The following STRN variants were observed in gnomAD, a reference collection of about 807,000 sequenced individuals.
STRN encodes the protein protein phosphatase 2 regulatory subunit B'''alpha.
A neutral mutation model predicts 96.3 loss-of-function variants in STRN; 53 were observed. That is an observed-to-expected ratio of 0.55 (90% CI 0.44 to 0.69). The LOEUF (loss-of-function observed/expected upper bound fraction) is 0.69. Ranked by LOEUF, STRN falls within the 30% of genes least tolerant of loss-of-function variation. The pLI is 0.00. For synonymous variants in STRN, 428 were observed against 355.9 expected, an observed-to-expected ratio of 1.20 and a Z score of -2.28; for missense variants, 987 against 963.9, an observed-to-expected ratio of 1.02 and a Z score of -0.32.
At chr2:36,902,817 A>G in intron 4 of STRN, 66 bp from the exon 5 acceptor site, 1 of 1,339,378 alleles carries the variant, frequency 7.5e-7, no homozygotes, top group Non-Finnish European at 1.0e-6. Context: ...TAATATGTAA[A>G]TAAAAGTATT....
chr2:36,952,764 T>G (rs1664791113), intron 1 of STRN, among the ~76,000 whole-genome samples: 2 of 152,208 alleles, frequency 1.3e-5, no homozygotes, highest in Admixed American at 1.3e-4. Flanking sequence ...CATGGATACC[T>G]TCTCCCCTGG....
At chr2:36,896,032 T>C (rs973024960) in intron 6 of STRN, among the ~76,000 whole-genome samples, 3 of 152,208 alleles carry the variant, frequency 2.0e-5, no homozygotes, top group Non-Finnish European at 4.4e-5. Context: ...TCTTTTACCC[T>C]AGAGGCTTAA....
At chr2:36,895,454 A>G (rs1166467203) in intron 6 of STRN, among the ~76,000 whole-genome samples, 4 of 152,194 alleles carry the variant, frequency 2.6e-5, no homozygotes, top group Non-Finnish European at 5.9e-5. Context: ...AGCACCTCCC[A>G]ATCTACCATC....
At chr2:36,931,399 G>A (rs1472543440) in intron 1 of STRN, among the ~76,000 whole-genome samples, 2 of 152,132 alleles carry the variant, frequency 1.3e-5, no homozygotes, top group Non-Finnish European at 2.9e-5. Flanking sequence ...TACCCACAAT[G>A]TACTTCCAAT....
At chr2:36,898,214 G>C (rs1310551286) in intron 6 of STRN, among the ~76,000 whole-genome samples, 1 of 152,146 alleles carries the variant, frequency 6.6e-6, no homozygotes, top group Non-Finnish European at 1.5e-5. Flanking sequence ...AAAGTATTTT[G>C]ATGGAAAAAT....
chr2:36,855,136 A>G, intron 15 of STRN, 76 bp downstream of exon 15: 1 of 1,449,014 alleles, frequency 6.9e-7, no homozygotes, highest in Non-Finnish European at 9.4e-7. Context: ...AATATTTTTC[A>G]CAGCTGACTC....
intron 1 of STRN, among the ~76,000 whole-genome samples, chr2:36,929,980 G>A (rs1294389574): frequency 6.6e-6 from 1 of 152,178 alleles, no homozygotes; most frequent in African/African-American, 2.4e-5. Context: ...TGGTTACAGT[G>A]TACAATGAAG....
intron 5 of STRN, among the ~76,000 whole-genome samples, chr2:36,902,070 C>T (rs1669697251): frequency 1.3e-5 from 2 of 151,966 alleles, no homozygotes. Context: ...GATACATAAT[C>T]CAAAATGGAA....
intron 2 of STRN, among the ~76,000 whole-genome samples, chr2:36,924,355 CAAAAAAAA>C (rs143310395): frequency 9.7e-6 from 1 of 103,312 alleles, no homozygotes; most frequent in East Asian, 2.6e-4. Context: ...GACTCCGTTT[CAAAAAAAA>C]AAAAAAAAAA....
intron 2 of STRN, among the ~76,000 whole-genome samples, chr2:36,918,980 T>C (rs1670178494): frequency 6.6e-6 from 1 of 152,206 alleles, no homozygotes; most frequent in African/African-American, 2.4e-5. Context: ...TGGATAAAAG[T>C]AGCATAAAAA....
chr2:36,888,188 T>G (rs1365253327), intron 7 of STRN, among the ~76,000 whole-genome samples: 1 of 152,230 alleles, frequency 6.6e-6, no homozygotes, highest in Non-Finnish European at 1.5e-5. Context: ...TCAGCACATC[T>G]ACTACTACTC....
intron 1 of STRN, among the ~76,000 whole-genome samples, chr2:36,954,162 A>G (rs1401899828): frequency 1.3e-5 from 2 of 152,184 alleles, no homozygotes; most frequent in Non-Finnish European, 2.9e-5. Context: ...TAAACAAACT[A>G]TATTAAAATA....
intron 1 of STRN, among the ~76,000 whole-genome samples, chr2:36,940,735 G>A (rs1325123399): frequency 6.6e-6 from 1 of 151,562 alleles, no homozygotes; most frequent in Non-Finnish European, 1.5e-5. Context: ...TATTCGGGAG[G>A]CTGAGGCAGG....
chr2:36,953,399 G>GT (rs1664806440), intron 1 of STRN, among the ~76,000 whole-genome samples: 1 of 146,430 alleles, frequency 6.8e-6, no homozygotes, highest in Non-Finnish European at 1.5e-5. Flanking sequence ...TACAGATAAG[G>GT]TCCTTTTTTT....
intron 1 of STRN, among the ~76,000 whole-genome samples, chr2:36,952,681 T>C (rs1300375483): frequency 6.6e-6 from 1 of 152,186 alleles, no homozygotes; most frequent in Non-Finnish European, 1.5e-5. Context: ...TAAATGAAAC[T>C]ATTATTAATG....
rs145768745 is a variant in STRN at position 36,873,003 on chromosome 2, T to G, written c.1324-3274A>C. On this transcript the variant is annotated intron_variant, in intron 10 of 17. Coordinates refer to ENST00000263918, the MANE Select transcript of STRN (RefSeq NM_003162.4). ...GGGGATGGCTGAGAAGCCGAGTAGT[T>G]TTTCTGACAGATTTGAAGTGTCATG... 6.6e-3 allele frequency among the ~76,000 whole-genome samples: 1,000 copies of G among 152,306 alleles called. 16 individuals are homozygous for G. Among genetic ancestry groups the G allele is most frequent in the African/African-American group, 0.023 (950 of 41,570 alleles).
intron 1 of STRN, among the ~76,000 whole-genome samples, chr2:36,963,133 G>T (rs1558672686): frequency 6.6e-6 from 1 of 152,236 alleles, no homozygotes; most frequent in South Asian, 2.1e-4. Flanking sequence ...TGAAATAAGT[G>T]ACAAATAAAT....
Position 36,925,134 on chromosome 2 carries a change from T to G in STRN, c.309A>C (p.Lys103Asn). ...CCTGTTTAAGAGCATACTCCAACAT[T>G]TTGATCCTCCTCACAAGATCCTTCT... ...NLKKDLVRRI[K>N]MLEYALKQER... The change falls in exon 2 of 18, where the codon AAA becomes AAC. Residue 103 changes from lysine (K) to asparagine (N), a missense_variant. Lys to Asn is a moderately conservative substitution (Grantham distance 94). Transcript: ENST00000263918. 1 of 1,613,836 alleles carries G rather than the reference T, an allele frequency of 6.2e-7. No individual in the cohort carries two copies. The highest frequency in any genetic ancestry group is 8.5e-7 in the Non-Finnish European group (1 of 1,179,758).
At chr2:36,877,568 C>A (rs1668946716) in intron 10 of STRN, among the ~76,000 whole-genome samples, 1 of 152,222 alleles carries the variant, frequency 6.6e-6, no homozygotes, top group Non-Finnish European at 1.5e-5. Flanking sequence ...CGGAGTCTCA[C>A]TCTGTTGCAC....
Sources: gnomAD v4.1 joint callset for allele counts (sites outside exome capture counted in the v4.1 genomes callset) on GRCh38, gnomAD v4.1.1 for gene constraint, MANE v1.5 for transcripts, NCBI Gene and HGNC (gene_info 2026-07-23, HGNC 2026-07-21) for gene names.